Variants in DHX57 observed in about 807,000 individuals in gnomAD.
The protein encoded by DHX57 is DExH-box helicase 57, also known as putative ATP-dependent RNA helicase DHX57.
DHX57 carries 105 observed loss-of-function variants against 156.2 expected under a neutral mutation model. The ratio of observed to expected loss-of-function variants is 0.67; its 90% confidence interval spans 0.57 to 0.79. The LOEUF (loss-of-function observed/expected upper bound fraction) is 0.79, where lower values mean the gene tolerates loss of function less well. Ranked by LOEUF, DHX57 falls within the 30% of genes least tolerant of loss-of-function variation. The probability of loss-of-function intolerance (pLI) is 0.00; values close to 1 mark genes in which losing one functional copy is unlikely to be tolerated. For synonymous variants in DHX57, 704 were observed against 595.6 expected (o/e 1.18, Z -2.65); for missense variants, 1,847 against 1,661.9 (o/e 1.11, Z -1.94).
intron 11 of DHX57, among the ~76,000 whole-genome samples, chr2:38,846,358 A>C (rs1008010079): frequency 3.0e-4 from 46 of 152,090 alleles, no homozygotes; most frequent in South Asian, 4.1e-4. Context: ...ATGGTGGCTC[A>C]TGACTGTAAT....
At chr2:38,815,002 A>C (rs1670452211) in intron 20 of DHX57, among the ~76,000 whole-genome samples, 1 of 151,966 alleles carries the variant, frequency 6.6e-6, no homozygotes, top group Non-Finnish European at 1.5e-5. Flanking sequence ...GATTACAGGC[A>C]TGAGCCACCG....
chr2:38,808,035 A>G (rs993391948), intron 21 of DHX57, among the ~76,000 whole-genome samples: 1 of 134,698 alleles, frequency 7.4e-6, no homozygotes, highest in African/African-American at 2.8e-5. Context: ...GCTCACTGCA[A>G]CCTCCGCCTC....
chr2:38,823,214 G>A lies in DHX57; in HGVS notation c.3070C>T (p.Leu1024Phe). The A allele has an allele frequency of 6.2e-7, 1 of 1,614,100 alleles. No individual in the cohort carries two copies. Among genetic ancestry groups the A allele is most frequent in the Non-Finnish European group, 8.5e-7 (1 of 1,180,024 alleles). Residue 1024 changes from leucine to phenylalanine, a missense_variant, in exon 17 of 24, where the codon CTC (leucine) becomes TTC (phenylalanine). Leu to Phe is a conservative substitution (Grantham distance 22). Coordinates refer to ENST00000457308, the MANE Select transcript of DHX57 (RefSeq NM_198963.3). ...AHNLQSVFSR[L>F]IEPPHTDSLR... ...GAATCGGTGTGTGGAGGTTCAATGAGCCGAGAGAACACAGACTGGAGATTA... is the reference window on the plus strand; with the variant it reads ...GAATCGGTGTGTGGAGGTTCAATGAACCGAGAGAACACAGACTGGAGATTA...
chr2:38,848,235 G>A (rs1317399143), intron 10 of DHX57, 34 bp downstream of exon 10: 4 of 1,544,350 alleles, frequency 2.6e-6, no homozygotes, highest in Non-Finnish European at 3.5e-6. Context: ...TTGCTTATTA[G>A]AATGATACAT....
intron 19 of DHX57, among the ~76,000 whole-genome samples, chr2:38,818,341 A>G (rs1670648125): frequency 6.6e-6 from 1 of 152,162 alleles, no homozygotes; most frequent in Non-Finnish European, 1.5e-5. Context: ...CCTGGCCAGC[A>G]TGGTGAAACC....
intron 13 of DHX57, among the ~76,000 whole-genome samples, chr2:38,836,462 GTTTAC>G (rs1671661768): frequency 6.6e-6 from 1 of 151,976 alleles, no homozygotes; most frequent in East Asian, 1.9e-4. Flanking sequence ...CTTTTCTTTA[GTTTAC>G]TTTACTGTAA....
chr2:38,852,224 TG>T (rs1283981711), intron 9 of DHX57, among the ~76,000 whole-genome samples: 1 of 151,582 alleles, frequency 6.6e-6, no homozygotes, highest in Admixed American at 6.6e-5. Context: ...TCGCCCAGCC[TG>T]GAGTACAGTG....
Position 38,838,269 on chromosome 2 carries a change from A to T in DHX57, c.2426-322T>A, listed in dbSNP as rs116424421. Among the ~76,000 whole-genome samples, 396 of 151,940 alleles carry T rather than the reference A, an allele frequency of 2.6e-3. 1 individual carries two copies. The highest frequency in any genetic ancestry group is 0.01 in the Middle Eastern group (3 of 294). ...ATGCACCACCATACCTGGTTAATTT[A>T]ATTTTATTTTTTGTAGACATGGGGT... On this transcript the variant is annotated intron_variant, in intron 12 of 23. Coordinates refer to ENST00000457308, the MANE Select transcript of DHX57 (RefSeq NM_198963.3).
chr2:38,852,367 T>A (rs1672646784), intron 9 of DHX57, among the ~76,000 whole-genome samples: 1 of 151,096 alleles, frequency 6.6e-6, no homozygotes, highest in African/African-American at 2.4e-5. Flanking sequence ...TGTTTTGCTT[T>A]TAGCTATTTT....
intron 23 of DHX57, among the ~76,000 whole-genome samples, chr2:38,801,877 G>A (rs373340966): frequency 2.6e-5 from 4 of 152,222 alleles, no homozygotes; most frequent in Non-Finnish European, 4.4e-5. Flanking sequence ...GATTACAGGC[G>A]TAAGCCACCG....
chr2:38,858,852 A>G lies in DHX57; in HGVS notation c.1412-16T>C, dbSNP rs1673039873. 1.2e-6 allele frequency: 2 copies of G among 1,604,822 alleles called. No homozygotes were observed. Among genetic ancestry groups the G allele is most frequent in the Non-Finnish European group, 1.7e-6 (2 of 1,177,890 alleles). On this transcript the variant is annotated splice_polypyrimidine_tract_variant and intron_variant, in intron 5 of 23. Transcript: ENST00000457308. Reference sequence around the variant, plus strand: ...GCTTTTTCAACTTGAAGGAAATAAAAGAAAACATTTCAGTATGGAGCCCTT... The same window carrying G: ...GCTTTTTCAACTTGAAGGAAATAAAGGAAAACATTTCAGTATGGAGCCCTT...
At chr2:38,798,689 T>A (rs1336526166) in intron 23 of DHX57, among the ~76,000 whole-genome samples, 1 of 152,240 alleles carries the variant, frequency 6.6e-6, no homozygotes, top group Non-Finnish European at 1.5e-5. Context: ...CTCACGCCTG[T>A]AATCCCAGCA....
At chr2:38,826,854 G>C (rs1671112139) in intron 14 of DHX57, among the ~76,000 whole-genome samples, 165 bp from the exon 15 acceptor site, 1 of 152,184 alleles carries the variant, frequency 6.6e-6, no homozygotes, top group Admixed American at 6.6e-5. Flanking sequence ...GTCTTGGCCG[G>C]GTACGGTGGC....
intron 10 of DHX57, among the ~76,000 whole-genome samples, 187 bp downstream of exon 10, chr2:38,848,082 C>CA (rs1271428756): frequency 2.6e-4 from 35 of 135,400 alleles, no homozygotes; most frequent in Admixed American, 2.9e-4. Context: ...GACTCTGTCT[C>CA]AAAAAAAAAA....
rs1470024225 is a variant in DHX57, at chr2:38,815,515, C to A, written c.3606+6G>T. 6.2e-7 allele frequency: 1 copy of A among 1,613,992 alleles called. No individual in the cohort carries two copies. The highest frequency in any genetic ancestry group is 1.7e-5 in the Admixed American group (1 of 60,004). Reference sequence around the variant, plus strand: ...GAGAAATGAGAACCAACTCCACATTCTTTACCTCTTCTCCTGTGGCATCTA... The same window carrying A: ...GAGAAATGAGAACCAACTCCACATTATTTACCTCTTCTCCTGTGGCATCTA... On this transcript the variant is annotated splice_donor_region_variant and intron_variant, in intron 20 of 23. Transcript: ENST00000457308.
intron 6 of DHX57, 141 bp from the exon 7 acceptor site, chr2:38,856,602 C>G (rs1672913259): frequency 9.2e-7 from 1 of 1,082,326 alleles, no homozygotes; most frequent in Admixed American, 3.1e-5. Context: ...TTCCCAGGCT[C>G]TAGCGATCCT....
intron 13 of DHX57, among the ~76,000 whole-genome samples, chr2:38,836,496 A>T (rs1671663552): frequency 6.6e-6 from 1 of 152,212 alleles, no homozygotes; most frequent in African/African-American, 2.4e-5. Context: ...TATGTACACC[A>T]GGTGCAGTGG....
Position 38,815,533 on chromosome 2 carries a change from G to A in DHX57, c.3594C>T (p.Ala1198=), listed in dbSNP as rs754960011. Reference sequence around the variant, plus strand: ...CCACATTCTTTACCTCTTCTCCTGTGGCATCTAAGACACCATCTCCTCCTT... The same window carrying A: ...CCACATTCTTTACCTCTTCTCCTGTAGCATCTAAGACACCATCTCCTCCTT... ...RAQGGDGVLD[A]TGEEANSNAE... is the part of the protein sequence containing the mutation. Residue 1198 remains alanine (A), a synonymous_variant, in exon 20 of 24, where the codon GCC becomes GCT. Coordinates refer to ENST00000457308, the MANE Select transcript of DHX57 (RefSeq NM_198963.3). 52 of 1,613,850 alleles carry A rather than the reference G, an allele frequency of 3.2e-5. No individual in the cohort carries two copies. The South Asian group carries it at 5.2e-4, about 16-fold the overall frequency.
intron 19 of DHX57, 61 bp from the exon 20 acceptor site, chr2:38,815,716 C>T (rs1028202866): frequency 6.3e-7 from 1 of 1,599,984 alleles, no homozygotes; most frequent in African/African-American, 1.3e-5. Context: ...TTAAGTCTTA[C>T]AAAAATGAGT....
Sources: gnomAD v4.1 joint callset for allele counts (sites outside exome capture counted in the v4.1 genomes callset) on GRCh38, gnomAD v4.1.1 for gene constraint, MANE v1.5 for transcripts, NCBI Gene and HGNC (gene_info 2026-07-23, HGNC 2026-07-21) for gene names.